SUSD5: variants seen among roughly 807,000 people sequenced by gnomAD.
The protein encoded by SUSD5 is sushi domain containing 5.
A neutral mutation model predicts 29.5 loss-of-function variants in SUSD5; 33 were observed. That is an observed-to-expected ratio of 1.12 (90% CI 0.85 to 1.49). The LOEUF (loss-of-function observed/expected upper bound fraction) is 1.49, where lower values mean the gene tolerates loss of function less well. SUSD5 is among the 40% of genes most tolerant of loss of function. SUSD5 has a pLI of 0.00. For synonymous variants in SUSD5, 308 were observed against 325.3 expected (o/e 0.95, Z 0.57); for missense variants, 776 against 800.6 (o/e 0.97, Z 0.37).
intron 3 of SUSD5, among the ~76,000 whole-genome samples, chr3:33,177,556 T>C (rs1458089866): frequency 6.6e-6 from 1 of 152,156 alleles, no homozygotes; most frequent in Non-Finnish European, 1.5e-5. Flanking sequence ...TCGCCCAGGC[T>C]GGAGTGCAGT....
At chr3:33,162,082 A>G (rs1185903580) in intron 4 of SUSD5, among the ~76,000 whole-genome samples, 1 of 152,192 alleles carries the variant, frequency 6.6e-6, no homozygotes, top group Non-Finnish European at 1.5e-5. Context: ...AGAAGTATCA[A>G]CAAACTTTAA....
chr3:33,193,660 G>A, intron 3 of SUSD5, among the ~76,000 whole-genome samples: 1 of 152,076 alleles, frequency 6.6e-6, no homozygotes, highest in East Asian at 1.9e-4. Flanking sequence ...AGTGAGTGAG[G>A]GGAGATGAGG....
intron 4 of SUSD5, among the ~76,000 whole-genome samples, chr3:33,158,527 C>T (rs111352881): frequency 2.6e-5 from 4 of 152,118 alleles, no homozygotes; most frequent in African/African-American, 9.7e-5. Context: ...ATGGTGACCC[C>T]GCTCCATCAA....
At chr3:33,213,855 A>C in intron 2 of SUSD5, 73 bp downstream of exon 2, 1 of 1,468,856 alleles carries the variant, frequency 6.8e-7, no homozygotes, top group Non-Finnish European at 9.2e-7. Context: ...TCAACAGAAC[A>C]ATTACTGAGT....
intron 4 of SUSD5, among the ~76,000 whole-genome samples, chr3:33,156,107 C>A (rs948746251): frequency 6.6e-6 from 1 of 151,102 alleles, no homozygotes; most frequent in Non-Finnish European, 1.5e-5. Context: ...ATGGTGCAAT[C>A]TAGGCTCACT....
rs1249831420 is a variant in SUSD5 at position 33,150,363 on chromosome 3, AAATT to A, written c.*2375_*2378del. On this transcript the variant is annotated 3_prime_UTR_variant, in exon 5 of 5. Transcript: ENST00000309558. ...ATACACTGTATTAATAATTTGTAAT[AAATT>A]TATTAATACACTGTATTAATATTGC... 2 of 151,930 alleles carry A rather than the reference AAATT, an allele frequency of 1.3e-5. No individual in the cohort carries two copies. Among genetic ancestry groups the A allele is most frequent in the African/African-American group, 4.8e-5 (2 of 41,432 alleles). 9.4% of individuals were successfully genotyped at this position (151,930 alleles called of 1,614,324 possible).
rs374841585 is a variant in SUSD5 at position 33,161,467 on chromosome 3, C to G, written c.599-7434G>C. On this transcript the variant is annotated intron_variant, in intron 4 of 4. Coordinates refer to ENST00000309558, the MANE Select transcript of SUSD5 (RefSeq NM_015551.2). ...AGGCAGGAAAGCAGAGAAAAAGGAA[C>G]AAAGGACAAATAGGAAAGAGAGAAA... Among the ~76,000 whole-genome samples the G allele has an allele frequency of 3.1e-4, 47 of 150,110 alleles. No individual in the cohort carries two copies. The South Asian group carries it at 7.6e-3, about 24-fold the overall frequency.
intron 4 of SUSD5, among the ~76,000 whole-genome samples, chr3:33,154,697 A>T (rs1357347272): frequency 6.6e-6 from 1 of 152,194 alleles, no homozygotes; most frequent in Non-Finnish European, 1.5e-5. Flanking sequence ...AAAACCAAAC[A>T]CATAGGAATA....
rs201422821 is a variant in SUSD5 at position 33,153,229 on chromosome 3, T to C, written c.1403A>G (p.Tyr468Cys). ...EGIGDGDLTK[Y>C]QSTLPWRFIT... ...GAATCTCCAGGGTAGAGTTGACTGG[T>C]ACTTCGTCAAGTCACCATCCCCAAT... Residue 468 changes from tyrosine (Y) to cysteine (C), a missense_variant, in exon 5 of 5, where the codon TAC (tyrosine) becomes TGC (cysteine). Coordinates refer to ENST00000309558, the MANE Select transcript of SUSD5 (RefSeq NM_015551.2). 167 of 1,613,730 alleles carry C rather than the reference T, an allele frequency of 1.0e-4. No individual in the cohort carries two copies. The highest frequency in any genetic ancestry group is 1.1e-4 in the Non-Finnish European group (129 of 1,179,874).
chr3:33,214,285 C>CT lies in SUSD5; in HGVS notation c.113-181dup, dbSNP rs1169188055. Among the ~76,000 whole-genome samples the CT allele has an allele frequency of 7.3e-3, 1,093 of 150,334 alleles. 22 individuals are homozygous for CT. The highest frequency in any genetic ancestry group is 0.025 in the African/African-American group (1,020 of 40,972). ...ATGATAATTACACTAGCATTTTCGT[C>CT]TTTTTTTTTTCTCTTATCTTCTTCT... On this transcript the variant is annotated intron_variant, in intron 1 of 4. Coordinates refer to ENST00000309558, the MANE Select transcript of SUSD5 (RefSeq NM_015551.2).
At chr3:33,154,919 T>C (rs1326144094) in intron 4 of SUSD5, among the ~76,000 whole-genome samples, 1 of 152,208 alleles carries the variant, frequency 6.6e-6, no homozygotes. Flanking sequence ...TGTTAAAGTT[T>C]ATGGAAATGC....
chr3:33,203,745 T>C lies in SUSD5; in HGVS notation c.409+4063A>G, dbSNP rs541163634. On this transcript the variant is annotated intron_variant, in intron 3 of 4. Transcript: ENST00000309558. ...CCGGACAGTTTGCTGCTGAGCTTTC[T>C]GGAGGCATGCCCTCGTTGTGCCCGG... Among the ~76,000 whole-genome samples, 8 of 152,362 alleles carry C rather than the reference T, an allele frequency of 5.3e-5. No homozygotes were observed. The East Asian group carries it at 1.2e-3, about 22-fold the overall frequency.
intron 3 of SUSD5, among the ~76,000 whole-genome samples, chr3:33,192,544 A>G (rs993221758): frequency 6.6e-6 from 1 of 151,644 alleles, no homozygotes; most frequent in African/African-American, 2.4e-5. Context: ...TAGGTGGTTT[A>G]TGCCTGTAAT....
chr3:33,160,902 C>T lies in SUSD5; in HGVS notation c.599-6869G>A, dbSNP rs144449691. 5.6e-3 allele frequency among the ~76,000 whole-genome samples: 845 copies of T among 152,148 alleles called. 7 individuals carry two copies. Among genetic ancestry groups the T allele is most frequent in the African/African-American group, 0.019 (806 of 41,498 alleles). ...CATACCAAATTAAAACTGCTAAAAA[C>T]CAAAGACAGAAGAACGTAAAAGCAA... On this transcript the variant is annotated intron_variant, in intron 4 of 4. Coordinates refer to ENST00000309558, the MANE Select transcript of SUSD5 (RefSeq NM_015551.2).
At chr3:33,205,060 T>C (rs1287438387) in intron 3 of SUSD5, among the ~76,000 whole-genome samples, 2 of 152,108 alleles carry the variant, frequency 1.3e-5, no homozygotes, top group Admixed American at 1.3e-4. Flanking sequence ...TAATTCTTTT[T>C]TGAACCATTG....
Position 33,167,973 on chromosome 3 carries a change from G to A in SUSD5, c.598+6913C>T, listed in dbSNP as rs891740378. On this transcript the variant is annotated intron_variant, in intron 4 of 4. Transcript: ENST00000309558. This position sits in a 1 kb window ranked among gnomAD's most constrained non-coding sequence, Gnocchi z 4.1. ...AGACAAACAAGTCTAGGAAATGTAA[G>A]CTTTGTGGCTTCTCCTGGCAAAATG... is the stretch of plus-strand genomic sequence containing the variant. Among the ~76,000 whole-genome samples the A allele has an allele frequency of 6.6e-6, 1 of 152,232 alleles. No individual in the cohort carries two copies. The highest frequency in any genetic ancestry group is 1.5e-5 in the Non-Finnish European group (1 of 68,044).
At chr3:33,180,784 G>C (rs1422197855) in intron 3 of SUSD5, among the ~76,000 whole-genome samples, 1 of 151,908 alleles carries the variant, frequency 6.6e-6, no homozygotes, top group Non-Finnish European at 1.5e-5. Context: ...AGGTTGCAAT[G>C]AGTCGAGGTT....
At chr3:33,188,809 T>A (rs2125625774) in intron 3 of SUSD5, among the ~76,000 whole-genome samples, 1 of 152,328 alleles carries the variant, frequency 6.6e-6, no homozygotes, top group South Asian at 2.1e-4. Flanking sequence ...GGGTGTTGAT[T>A]ACACAGGTGT....
intron 3 of SUSD5, among the ~76,000 whole-genome samples, chr3:33,183,999 G>A (rs1391782962): frequency 1.5e-5 from 2 of 130,900 alleles, no homozygotes; most frequent in Admixed American, 1.8e-4. Flanking sequence ...GTGCAGTGGC[G>A]TGATCTCAGT....
Sources: allele counts gnomAD v4.1 joint callset (sites outside exome capture counted in the v4.1 genomes callset), GRCh38; gene constraint gnomAD v4.1.1; non-coding constraint Gnocchi (gnomAD v3.1); transcripts MANE v1.5; gene names NCBI Gene and HGNC (gene_info 2026-07-23, HGNC 2026-07-21).